The following GPR176 variants were observed in gnomAD, a reference collection of about 807,000 sequenced individuals.
GPR176 encodes the protein G protein-coupled receptor 176.
In GPR176, 26 loss-of-function variants were observed where a neutral mutation model predicts 35.4. The ratio of observed to expected loss-of-function variants is 0.74; its 90% CI spans 0.54 to 1.02. The LOEUF (loss-of-function observed/expected upper bound fraction) is 1.02. Ranked by LOEUF, GPR176 falls within the 50% of genes least tolerant of loss-of-function variation. The probability of loss-of-function intolerance (pLI) is 0.00; values close to 1 mark genes in which losing one functional copy is unlikely to be tolerated. For synonymous variants in GPR176, 278 were observed against 271.3 expected (o/e 1.02, Z -0.24); for missense variants, 597 against 665.3 (o/e 0.90, Z 1.13).
intron 1 of GPR176, among the ~76,000 whole-genome samples, chr15:39,824,359 C>A (rs561548267): frequency 6.6e-6 from 1 of 152,308 alleles, no homozygotes; most frequent in South Asian, 2.1e-4. Context: ...TCCCAGACCC[C>A]CAAACAACCG....
At chr15:39,838,259 T>C (rs1009274251) in intron 1 of GPR176, among the ~76,000 whole-genome samples, 3 of 152,168 alleles carry the variant, frequency 2.0e-5, no homozygotes, top group African/African-American at 7.2e-5. Flanking sequence ...CCACTTCATC[T>C]TCTGATGCTC....
chr15:39,802,961 A>G (rs1898977194), intron 2 of GPR176, among the ~76,000 whole-genome samples: 1 of 152,234 alleles, frequency 6.6e-6, no homozygotes, highest in African/African-American at 2.4e-5. Context: ...TTTTTGTTAA[A>G]ATCAGATGAG....
chr15:39,875,377 A>T (rs149614787), intron 1 of GPR176, among the ~76,000 whole-genome samples: 373 of 152,320 alleles, frequency 2.4e-3, no homozygotes, highest in African/African-American at 8.7e-3. Flanking sequence ...TTTGTTTGGT[A>T]AGGTGTTTTC....
In GPR176 at chr15:39,819,833, C is replaced by T. The variant is rs539629221; in HGVS notation, c.173-12575G>A. Among the ~76,000 whole-genome samples the T allele has an allele frequency of 6.6e-4, 101 of 152,324 alleles. 1 individual carries two copies. The highest frequency in any genetic ancestry group is 2.3e-3 in the African/African-American group (97 of 41,572). ...AGAAAGGAAAGTGAGCCTGATCGTG[C>T]TTCAGTCCACTGGGACCTAGCATAG... On this transcript the variant is annotated intron_variant, in intron 1 of 2. Transcript: ENST00000561100.
chr15:39,891,337 A>G (rs921129489), intron 1 of GPR176, among the ~76,000 whole-genome samples: 8 of 152,202 alleles, frequency 5.3e-5, no homozygotes, highest in African/African-American at 1.9e-4. Context: ...TCTTGACAGG[A>G]GCAACTGCTC....
At chr15:39,853,347 A>G in intron 1 of GPR176, among the ~76,000 whole-genome samples, 1 of 152,222 alleles carries the variant, frequency 6.6e-6, no homozygotes, top group East Asian at 1.9e-4. Flanking sequence ...TATATGAGAT[A>G]TCTAAAGTAG....
intron 1 of GPR176, among the ~76,000 whole-genome samples, chr15:39,912,476 A>G (rs1227083259): frequency 6.6e-6 from 1 of 151,836 alleles, no homozygotes; most frequent in Non-Finnish European, 1.5e-5. Flanking sequence ...AAAATTATCC[A>G]GGTGTGGTGG....
At chr15:39,808,001 A>C (rs952506572) in intron 1 of GPR176, among the ~76,000 whole-genome samples, 1 of 152,166 alleles carries the variant, frequency 6.6e-6, no homozygotes, top group African/African-American at 2.4e-5. Context: ...CCACAGGCCT[A>C]CAATCTCCTG....
At chr15:39,895,254 C>T (rs1242799062) in intron 1 of GPR176, among the ~76,000 whole-genome samples, 6 of 92,792 alleles carry the variant, frequency 6.5e-5, no homozygotes, top group African/African-American at 9.4e-5. Flanking sequence ...AGAGGGAGAC[C>T]ATGGGGAGAG....
intron 1 of GPR176, among the ~76,000 whole-genome samples, chr15:39,865,482 A>T (rs2031789040): frequency 6.6e-6 from 1 of 152,158 alleles, no homozygotes; most frequent in Admixed American, 6.5e-5. Context: ...TCTTCCTTAT[A>T]AGTGCGAGTT....
intron 1 of GPR176, among the ~76,000 whole-genome samples, chr15:39,824,857 A>C (rs1367625685): frequency 6.6e-6 from 1 of 152,174 alleles, no homozygotes; most frequent in Non-Finnish European, 1.5e-5. Context: ...TTTCACAATG[A>C]AAACAGTTTT....
intron 1 of GPR176, among the ~76,000 whole-genome samples, chr15:39,860,407 G>GAGA (rs373970242): frequency 9.6e-4 from 146 of 152,322 alleles, no homozygotes; most frequent in African/African-American, 3.5e-3. Context: ...TCCTGCAAAG[G>GAGA]AGAACAGAAG....
At chr15:39,814,570 C>A (rs1327827074) in intron 1 of GPR176, among the ~76,000 whole-genome samples, 1 of 152,126 alleles carries the variant, frequency 6.6e-6, no homozygotes, top group African/African-American at 2.4e-5. Flanking sequence ...ATTTTGCCAC[C>A]TGTTGGGTCA....
chr15:39,886,917 C>T (rs2032696103), intron 1 of GPR176, among the ~76,000 whole-genome samples: 1 of 152,090 alleles, frequency 6.6e-6, no homozygotes, highest in Non-Finnish European at 1.5e-5. Context: ...CCAACCTTTC[C>T]CAGGCTTAAC....
intron 1 of GPR176, among the ~76,000 whole-genome samples, chr15:39,867,993 G>T (rs1356270010): frequency 6.6e-6 from 1 of 152,020 alleles, no homozygotes; most frequent in African/African-American, 2.4e-5. Context: ...ATTTTCTCAG[G>T]CTGATCCAAC....
intron 1 of GPR176, among the ~76,000 whole-genome samples, chr15:39,898,566 A>C (rs1476279169): frequency 1.3e-5 from 2 of 152,226 alleles, no homozygotes; most frequent in African/African-American, 4.8e-5. Flanking sequence ...AGCAAAAGCA[A>C]ATGCAAGAAG....
At chr15:39,853,672 G>T (rs925301049) in intron 1 of GPR176, among the ~76,000 whole-genome samples, 2 of 152,094 alleles carry the variant, frequency 1.3e-5, no homozygotes, top group African/African-American at 4.8e-5. Context: ...GGAACATTTG[G>T]CAATGTAAGG....
intron 1 of GPR176, among the ~76,000 whole-genome samples, chr15:39,836,978 A>T (rs936612764): frequency 1.3e-5 from 2 of 152,182 alleles, no homozygotes; most frequent in African/African-American, 4.8e-5. Context: ...ACCAGAAGTC[A>T]TCATACACAG....
intron 1 of GPR176, chr15:39,829,164 G>C: frequency 6.5e-7 from 1 of 1,532,732 alleles, no homozygotes; most frequent in Non-Finnish European, 8.7e-7. Flanking sequence ...TGATCACTAC[G>C]TCACACTGCC....
Sources: gnomAD v4.1 joint callset for allele counts (sites outside exome capture counted in the v4.1 genomes callset) on GRCh38, gnomAD v4.1.1 for gene constraint, MANE v1.5 for transcripts, NCBI Gene and HGNC (gene_info 2026-07-23, HGNC 2026-07-21) for gene names.